GEMIN2: variants seen among roughly 807,000 people sequenced by gnomAD.
The protein encoded by GEMIN2 is gem nuclear organelle associated protein 2, also known as gem-associated protein 2.
A neutral mutation model predicts 45.8 loss-of-function variants in GEMIN2; 37 were observed. The ratio of observed to expected loss-of-function variants is 0.81; its 90% CI spans 0.62 to 1.06. GEMIN2 has a LOEUF of 1.06. Among genes scored for constraint, GEMIN2 ranks in the 50% least tolerant of loss-of-function variants. The pLI, the probability that GEMIN2 is intolerant of heterozygous loss-of-function variation, is 0.00. For missense variants in GEMIN2, 335 were observed against 321.8 expected (o/e 1.04, Z -0.31); for synonymous variants, 101 against 111.5 (o/e 0.91, Z 0.60).
intron 2 of GEMIN2, among the ~76,000 whole-genome samples, chr14:39,115,767 A>G (rs1011038958): frequency 6.6e-6 from 1 of 151,816 alleles, no homozygotes; most frequent in African/African-American, 2.4e-5. Flanking sequence ...ACACTTTTAT[A>G]GCTACTTGCA....
chr14:39,129,660 G>A (rs1005690788), intron 7 of GEMIN2, among the ~76,000 whole-genome samples: 1 of 152,020 alleles, frequency 6.6e-6, no homozygotes, highest in African/African-American at 2.4e-5. Context: ...TGATCTGCCC[G>A]CCTCCACCTC....
intron 7 of GEMIN2, among the ~76,000 whole-genome samples, chr14:39,131,493 C>T (rs1466751720): frequency 1.3e-5 from 2 of 152,162 alleles, no homozygotes; most frequent in African/African-American, 4.8e-5. Context: ...TACATTGAGC[C>T]TGTCAAAGTA....
chr14:39,129,246 T>C (rs1445145111), intron 7 of GEMIN2, among the ~76,000 whole-genome samples: 1 of 152,176 alleles, frequency 6.6e-6, no homozygotes, highest in African/African-American at 2.4e-5. Context: ...GGCTATGCAA[T>C]ATAGTCTAGG....
In GEMIN2 at chr14:39,136,584, A is replaced by G; in HGVS notation, c.*105A>G. 2 of 854,364 alleles carry G rather than the reference A, an allele frequency of 2.3e-6. No individual in the cohort carries two copies. Among genetic ancestry groups the G allele is most frequent in the Non-Finnish European group, 4.0e-6 (2 of 505,136 alleles). The allele number at this position is 854,364 out of a possible 1,614,324, so 52.9% of individuals were successfully genotyped here. On this transcript the variant is annotated 3_prime_UTR_variant, in exon 10 of 10. Transcript: ENST00000308317. ...CAGATTTCAACACATCTTCAACACT[A>G]TGTGAAGGGTTCACATCTTAACCTG...
intron 2 of GEMIN2, among the ~76,000 whole-genome samples, chr14:39,116,948 A>G (rs1025613772): frequency 6.6e-6 from 1 of 152,106 alleles, no homozygotes; most frequent in African/African-American, 2.4e-5. Flanking sequence ...GGGTCTTGAT[A>G]TGTTGCTCAG....
rs114899049 is a variant in GEMIN2 at position 39,115,039 on chromosome 14, T to A, written c.222+126T>A. 88 of 633,328 alleles carry A rather than the reference T, an allele frequency of 1.4e-4. No homozygotes were observed. The African/African-American group carries it at 1.4e-3, about 10-fold the overall frequency. 39.2% of individuals were successfully genotyped at this position (633,328 alleles called of 1,614,324 possible). A position where few individuals can be genotyped will look rare whatever the true frequency, so the allele number is the denominator to read the frequency against. ...TGACTACTCCGTGCAAAGTTAGACATTCGCTTGTACTTTTTCCTTCAGAAA... is the reference window on the plus strand; with the variant it reads ...TGACTACTCCGTGCAAAGTTAGACAATCGCTTGTACTTTTTCCTTCAGAAA... On this transcript the variant is annotated intron_variant, in intron 2 of 9. Coordinates refer to ENST00000308317, the MANE Select transcript of GEMIN2 (RefSeq NM_003616.3).
At chr14:39,118,922 A>G (rs2052544589) in intron 4 of GEMIN2, among the ~76,000 whole-genome samples, 1 of 151,680 alleles carries the variant, frequency 6.6e-6, no homozygotes, top group Non-Finnish European at 1.5e-5. Context: ...CTTAAGGCAT[A>G]TACCACCATG....
Position 39,114,358 on chromosome 14 carries a change from A to T in GEMIN2, c.20A>T (p.Glu7Val), listed in dbSNP as rs1555332999. MAWVPA[E>V]SAVEELMPRL... is the part of the protein sequence containing the mutation. Reference sequence around the variant, plus strand: ...AAAACCATGGCGTGGGTACCAGCGGAGTCCGCAGTGGAAGAGTTGATGCCT... The same window carrying T: ...AAAACCATGGCGTGGGTACCAGCGGTGTCCGCAGTGGAAGAGTTGATGCCT... Residue 7 changes from glutamate (E) to valine (V), a missense_variant, in exon 1 of 10, where the codon GAG becomes GTG. Transcript: ENST00000308317. 1.2e-6 allele frequency: 2 copies of T among 1,613,886 alleles called. No homozygotes were observed. The highest frequency in any genetic ancestry group is 1.7e-4 in the Middle Eastern group (1 of 6,058).
intron 7 of GEMIN2, among the ~76,000 whole-genome samples, chr14:39,130,267 T>C (rs533742129): frequency 6.6e-6 from 1 of 152,206 alleles, no homozygotes; most frequent in South Asian, 2.1e-4. Context: ...TAACTATTGA[T>C]TTGAGTTTGC....
intron 6 of GEMIN2, among the ~76,000 whole-genome samples, chr14:39,127,089 T>TG (rs1566534580): frequency 7.6e-6 from 1 of 132,156 alleles, no homozygotes; most frequent in Non-Finnish European, 1.7e-5. Context: ...TACAAATACA[T>TG]CTTTTTTTTT....
intron 4 of GEMIN2, 96 bp from the exon 5 acceptor site, chr14:39,122,334 T>G (rs922579733): frequency 1.2e-5 from 8 of 644,896 alleles, no homozygotes; most frequent in Non-Finnish European, 1.9e-5. Context: ...TGGGTTGCGG[T>G]AATGGGAATA....
chr14:39,126,533 T>C (rs1019009156), intron 6 of GEMIN2, among the ~76,000 whole-genome samples: 1 of 152,188 alleles, frequency 6.6e-6, no homozygotes, highest in African/African-American at 2.4e-5. Flanking sequence ...AAGCTGACAG[T>C]GTTACTTAAT....
intron 2 of GEMIN2, among the ~76,000 whole-genome samples, chr14:39,115,897 G>A (rs2052498389): frequency 6.6e-6 from 1 of 152,154 alleles, no homozygotes; most frequent in African/African-American, 2.4e-5. Context: ...CCCTTGTAGA[G>A]TTTACATACC....
intron 2 of GEMIN2, among the ~76,000 whole-genome samples, chr14:39,116,675 A>G (rs1566529269): frequency 6.6e-6 from 1 of 152,094 alleles, no homozygotes; most frequent in Non-Finnish European, 1.5e-5. Flanking sequence ...AATTTTTCCT[A>G]TAATTCCTCT....
chr14:39,132,958 C>A (rs1299954405), intron 8 of GEMIN2, among the ~76,000 whole-genome samples: 1 of 148,860 alleles, frequency 6.7e-6, no homozygotes, highest in Non-Finnish European at 1.5e-5. Flanking sequence ...GGATTACAGG[C>A]ATGAGCTACT....
intron 8 of GEMIN2, among the ~76,000 whole-genome samples, chr14:39,133,397 T>G (rs923257560): frequency 7.3e-5 from 11 of 149,790 alleles, no homozygotes; most frequent in African/African-American, 2.7e-4. Context: ...CAGGGAAAAA[T>G]TTCCCCCAAG....
Position 39,136,857 on chromosome 14 carries a change from TTTTG to T in GEMIN2, c.*383_*386del, listed in dbSNP as rs374547314. 424 of 162,478 alleles carry T rather than the reference TTTTG, an allele frequency of 2.6e-3. No individual in the cohort carries two copies. The highest frequency in any genetic ancestry group is 7.0e-3 in the African/African-American group (295 of 41,886). 10.1% of individuals were successfully genotyped at this position (162,478 alleles called of 1,614,324 possible). A position where few individuals can be genotyped will look rare whatever the true frequency, so the allele number is the denominator to read the frequency against. ...TGAAAATATGTTTTGGTTACTAAAA[TTTTG>T]TTTGACTCCTAACAAAAGACAATGG... On this transcript the variant is annotated 3_prime_UTR_variant, in exon 10 of 10. Coordinates refer to ENST00000308317, the MANE Select transcript of GEMIN2 (RefSeq NM_003616.3).
At chr14:39,115,511 CA>C (rs2052492104) in intron 2 of GEMIN2, among the ~76,000 whole-genome samples, 1 of 134,406 alleles carries the variant, frequency 7.4e-6, no homozygotes, top group Non-Finnish European at 1.5e-5. Flanking sequence ...GGCTGCAGTG[CA>C]GTGGTGCGAT....
intron 2 of GEMIN2, among the ~76,000 whole-genome samples, chr14:39,117,241 G>T (rs1289385637): frequency 1.4e-5 from 2 of 144,778 alleles, no homozygotes; most frequent in Non-Finnish European, 3.0e-5. Context: ...TTGCACTCCA[G>T]CCTGAGCAAC....
Sources: gnomAD v4.1 joint callset for allele counts (sites outside exome capture counted in the v4.1 genomes callset) on GRCh38, gnomAD v4.1.1 for gene constraint, MANE v1.5 for transcripts, NCBI Gene and HGNC (gene_info 2026-07-23, HGNC 2026-07-21) for gene names.